The following KMT2C variants were observed in gnomAD, a reference collection of about 807,000 sequenced individuals.
KMT2C encodes lysine methyltransferase 2C.
Under a neutral mutation model 507.9 loss-of-function variants are expected in KMT2C, and 88 were observed. The observed-to-expected ratio is 0.17, with a 90% CI of 0.15 to 0.21. The LOEUF (loss-of-function observed/expected upper bound fraction) is 0.21. Among genes scored for constraint, KMT2C ranks in the 10% least tolerant of loss-of-function variants. The pLI is 1.00. For synonymous variants in KMT2C, 2,049 were observed against 2,080.8 expected, an observed-to-expected ratio of 0.98 and a Z score of 0.42; for missense variants, 4,954 against 5,957.8, an observed-to-expected ratio of 0.83 and a Z score of 5.55.
At position 152,181,117 on chromosome 7, in the gene KMT2C, T is replaced by A. The variant is rs2093421600; in HGVS notation, c.6743A>T (p.Asp2248Val). The A allele has an allele frequency of 8.7e-6, 14 of 1,614,104 alleles. No individual in the cohort carries two copies. The highest frequency in any genetic ancestry group is 1.1e-5 in the Non-Finnish European group (13 of 1,180,024). ...MTRPVLMPNQDPFLQAAQNRG... is the reference protein window; with the variant it reads ...MTRPVLMPNQVPFLQAAQNRG... ...GTTTTGTGCTGCTTGCAGGAAAGGA[T>A]CCTGATTTGGCATGAGGACTGGTCT... The change falls in exon 36 of 59, where the codon GAT becomes GTT. Residue 2248 changes from aspartate (D) to valine (V), a missense_variant. Coordinates refer to ENST00000262189, the MANE Select transcript of KMT2C (RefSeq NM_170606.3).
At chr7:152,218,255 C>T (rs1397311818) in intron 23 of KMT2C, among the ~76,000 whole-genome samples, 1 of 152,084 alleles carries the variant, frequency 6.6e-6, no homozygotes, top group African/African-American at 2.4e-5. Context: ...ACCTCTGCCT[C>T]CTGGGTTCAA....
At position 152,136,770 on chromosome 7, in the gene KMT2C, T is replaced by C. The variant is rs553009136; in HGVS notation, c.*62A>G. 3.6e-6 allele frequency: 4 copies of C among 1,117,722 alleles called. No homozygotes were observed. The highest frequency in any genetic ancestry group is 1.7e-5 in the Admixed American group (1 of 57,744). 69.2% of individuals were successfully genotyped at this position (1,117,722 alleles called of 1,614,324 possible). On this transcript the variant is annotated 3_prime_UTR_variant, in exon 59 of 59. Coordinates refer to ENST00000262189, the MANE Select transcript of KMT2C (RefSeq NM_170606.3). ...TCTCTTTCTGTCTGCAAAATTCCAA[T>C]GGTGTGTTGAATCGCCTCTTCCTAG... is the stretch of plus-strand genomic sequence containing the variant.
At position 152,367,242 on chromosome 7, in the gene KMT2C, G is replaced by C. The variant is rs565616433; in HGVS notation, c.162-8567C>G. On this transcript the variant is annotated intron_variant, in intron 1 of 58. Transcript: ENST00000262189. ...CAGTGTGTTTTGATGTTGACAGCACGGTCATCAGAGAAGAAGGAACCAACA... is the reference window on the plus strand; with the variant it reads ...CAGTGTGTTTTGATGTTGACAGCACCGTCATCAGAGAAGAAGGAACCAACA... The C allele has an allele frequency of 4.2e-6, 6 of 1,431,160 alleles. No homozygotes were observed. In the East Asian group the frequency reaches 9.8e-5, roughly 23 times the overall value. The allele number at this position is 1,431,160 out of a possible 1,614,324, so 88.7% of individuals were successfully genotyped here. A position where few individuals can be genotyped will look rare whatever the true frequency, so the allele number is the denominator to read the frequency against.
chr7:152,388,072 T>C (rs928626337), intron 1 of KMT2C, among the ~76,000 whole-genome samples: 1 of 148,566 alleles, frequency 6.7e-6, no homozygotes, highest in Non-Finnish European at 1.5e-5. Context: ...CTTTCTAGGC[T>C]GGGGGGAAAA....
chr7:152,335,970 G>A (rs2096931292), intron 2 of KMT2C, among the ~76,000 whole-genome samples: 1 of 151,610 alleles, frequency 6.6e-6, no homozygotes, highest in Non-Finnish European at 1.5e-5. Flanking sequence ...ATCCCATAAA[G>A]CAGGTAAGAA....
At chr7:152,381,638 C>T (rs2097374948) in intron 1 of KMT2C, among the ~76,000 whole-genome samples, 1 of 152,216 alleles carries the variant, frequency 6.6e-6, no homozygotes, top group Non-Finnish European at 1.5e-5. Flanking sequence ...AATAATTTGG[C>T]AAGTAGAAGT....
chr7:152,397,148 C>G (rs1286309932), intron 1 of KMT2C, among the ~76,000 whole-genome samples: 13 of 152,078 alleles, frequency 8.5e-5, no homozygotes, highest in Non-Finnish European at 1.5e-5. Flanking sequence ...TTCTTTATCT[C>G]ATATCCATCT....
At chr7:152,193,905 G>A (rs1030743116) in intron 31 of KMT2C, 104 bp downstream of exon 31, 10 of 974,756 alleles carry the variant, frequency 1.0e-5, no homozygotes, top group Middle Eastern at 2.5e-4. Context: ...GTTTGTATAC[G>A]TGGCTACTAA....
chr7:152,338,675 T>C (rs889903285), intron 2 of KMT2C, among the ~76,000 whole-genome samples: 11 of 152,166 alleles, frequency 7.2e-5, no homozygotes, highest in Non-Finnish European at 1.3e-4. Flanking sequence ...AAGCTCAAGA[T>C]CACAAAGCTA....
chr7:152,182,297 G>C lies in KMT2C; in HGVS notation c.5563C>G (p.Pro1855Ala). 6.2e-7 allele frequency: 1 copy of C among 1,614,200 alleles called. No individual in the cohort carries two copies. The highest frequency in any genetic ancestry group is 8.5e-7 in the Non-Finnish European group (1 of 1,180,036). ...DVFVKPQAPPPPPAPSRIPIQ... is the reference protein window; with the variant it reads ...DVFVKPQAPPAPPAPSRIPIQ... ...GGAATCCGGGATGGGGCTGGAGGAG[G>C]AGGTGGAGCTTGTGGCTTTACAAAC... The change falls in exon 36 of 59, where the codon CCT (proline) becomes GCT (alanine). Residue 1855 changes from proline to alanine, a missense_variant. Around this residue, in one of 29 missense-constraint regions of KMT2C, gnomAD observed 1,689 missense variants for 1,654.3 expected, o/e 1.02. Coordinates refer to ENST00000262189, the MANE Select transcript of KMT2C (RefSeq NM_170606.3).
At chr7:152,187,590 A>G (rs1361837940) in intron 32 of KMT2C, 114 bp from the exon 33 acceptor site, 1 of 1,420,652 alleles carries the variant, frequency 7.0e-7, no homozygotes, top group African/African-American at 1.5e-5. Context: ...ACATATTTAT[A>G]GCAAAAGCCA....
At chr7:152,226,740 T>C (rs1168646861) in intron 18 of KMT2C, among the ~76,000 whole-genome samples, 3 of 151,922 alleles carry the variant, frequency 2.0e-5, no homozygotes, top group Non-Finnish European at 2.9e-5. Context: ...AAACAGAAAG[T>C]TTTGAGGGCC....
At chr7:152,300,294 C>G (rs879330428) in intron 6 of KMT2C, among the ~76,000 whole-genome samples, 2 of 152,196 alleles carry the variant, frequency 1.3e-5, no homozygotes, top group Non-Finnish European at 2.9e-5. Context: ...CTTCTGAGAA[C>G]TTGAATTTCA....
intron 1 of KMT2C, among the ~76,000 whole-genome samples, chr7:152,384,579 C>CACT (rs1564068462): frequency 7.1e-6 from 1 of 141,790 alleles, no homozygotes; most frequent in Non-Finnish European, 1.6e-5. Context: ...CCACCACCAC[C>CACT]ACCACCACCA....
At position 152,181,415 on chromosome 7, in the gene KMT2C, A is replaced by G. The variant is rs1447030114; in HGVS notation, c.6445T>C (p.Ser2149Pro). 1 of 1,613,966 alleles carries G rather than the reference A, an allele frequency of 6.2e-7. No individual in the cohort carries two copies. ...TCTGTATTGGACCTAGCTGTTCCTG[A>G]AGATTGGGAATAAGAATCTACAACA... is the stretch of plus-strand genomic sequence containing the variant. The part of the protein sequence containing the change: ...RPVVDSYSQS[S>P]GTARSNTDPY... The change falls in exon 36 of 59, where the codon TCA becomes CCA. Residue 2149 changes from serine (S) to proline (P), a missense_variant. Physicochemically the swap from Ser to Pro is moderately conservative, Grantham distance 74. Around this residue, in one of 29 missense-constraint regions of KMT2C, gnomAD observed 1,689 missense variants for 1,654.3 expected, o/e 1.02. Transcript: ENST00000262189.
chr7:152,216,590 G>A (rs1280708421), intron 23 of KMT2C, among the ~76,000 whole-genome samples: 1 of 152,060 alleles, frequency 6.6e-6, no homozygotes, highest in African/African-American at 2.4e-5. Flanking sequence ...TTTTAATAAA[G>A]GAAACTGTCA....
At chr7:152,287,152 G>T (rs1213089374) in intron 6 of KMT2C, among the ~76,000 whole-genome samples, 3 of 152,148 alleles carry the variant, frequency 2.0e-5, no homozygotes, top group Admixed American at 2.0e-4. Context: ...AAAAAGTGGG[G>T]AGCCTGAGTT....
In KMT2C at chr7:152,167,326, C is replaced by T. The variant is rs750872567; in HGVS notation, c.9570G>A (p.Leu3190=). 1.1e-4 allele frequency: 170 copies of T among 1,613,832 alleles called. No individual in the cohort carries two copies. Among genetic ancestry groups the T allele is most frequent in the Non-Finnish European group, 1.4e-4 (167 of 1,180,004 alleles). Residue 3190 remains leucine (L), a synonymous_variant, in exon 42 of 59, where the codon CTG becomes CTA. Coordinates refer to ENST00000262189, the MANE Select transcript of KMT2C (RefSeq NM_170606.3). The stretch of plus-strand genomic sequence containing the variant: ...CAAGATACTTCTGCTGCATTTGAAG[C>T]AGCTGTTGGGTCTCCTGGAGCCACT... The part of the protein sequence containing the change: ...YEEWLQETQQ[L]LQMQQKYLEE...
chr7:152,335,584 C>T (rs1242764887), intron 2 of KMT2C, among the ~76,000 whole-genome samples: 5 of 152,202 alleles, frequency 3.3e-5, no homozygotes, highest in Non-Finnish European at 7.3e-5. Context: ...CTTCCTTTTA[C>T]TATGCTGCTA....
Sources: allele counts gnomAD v4.1 joint callset (sites outside exome capture counted in the v4.1 genomes callset), GRCh38; gene constraint gnomAD v4.1.1; regional missense constraint gnomAD v4.1.1; transcripts MANE v1.5; gene names NCBI Gene and HGNC (gene_info 2026-07-23, HGNC 2026-07-21).